IFT81: variants seen among roughly 807,000 people sequenced by gnomAD.
The protein encoded by IFT81 is intraflagellar transport protein 81 homolog.
Under a neutral mutation model 102.6 loss-of-function variants are expected in IFT81, and 72 were observed. The ratio of observed to expected loss-of-function variants is 0.70; its 90% CI spans 0.58 to 0.85. The LOEUF (loss-of-function observed/expected upper bound fraction) is 0.85. IFT81 is among the 40% of genes least tolerant of loss of function. IFT81 has a pLI of 0.00. For synonymous variants in IFT81, 237 were observed against 242.7 expected (o/e 0.98, Z 0.22); for missense variants, 723 against 787.3 (o/e 0.92, Z 0.98).
intron 14 of IFT81, 187 bp from the exon 15 acceptor site, chr12:110,203,677 C>T (rs1898421588): frequency 1.6e-6 from 1 of 612,020 alleles, no homozygotes; most frequent in Non-Finnish European, 3.0e-6. Context: ...TACATGGTAG[C>T]TATTATTATT....
chr12:110,216,061 T>C (rs1194786042), intron 18 of IFT81, among the ~76,000 whole-genome samples: 1 of 152,232 alleles, frequency 6.6e-6, no homozygotes, highest in Non-Finnish European at 1.5e-5. Context: ...ATAACAAGGA[T>C]ATATATAATA....
chr12:110,179,840 A>G (rs1476043545), intron 11 of IFT81, among the ~76,000 whole-genome samples: 4 of 144,044 alleles, frequency 2.8e-5, no homozygotes, highest in African/African-American at 7.6e-5. Context: ...ACATATACAC[A>G]TAATATATAT....
chr12:110,217,291 C>T (rs1321748378), intron 18 of IFT81, among the ~76,000 whole-genome samples: 2 of 152,050 alleles, frequency 1.3e-5, no homozygotes, highest in Non-Finnish European at 2.9e-5. Context: ...GTGATCTATC[C>T]GCCTCAGCCT....
rs928966233 is a variant in IFT81, at chr12:110,210,434, A to C, written c.1848+1218A>C. Among the ~76,000 whole-genome samples the C allele has an allele frequency of 2.0e-5, 3 of 152,308 alleles. No homozygotes were observed. In the South Asian group the frequency reaches 6.2e-4, roughly 32 times the overall value. ...TTTTTTCTGTTTCTTCAGTTTCACTATTGAAAATAATGTTTTCTGGCCAGG... is the reference window on the plus strand; with the variant it reads ...TTTTTTCTGTTTCTTCAGTTTCACTCTTGAAAATAATGTTTTCTGGCCAGG... On this transcript the variant is annotated intron_variant, in intron 18 of 18. Transcript: ENST00000242591.
chr12:110,138,526 G>A lies in IFT81; in HGVS notation c.781+1666G>A, dbSNP rs563204003. Among the ~76,000 whole-genome samples, 92 of 151,556 alleles carry A rather than the reference G, an allele frequency of 6.1e-4. 2 individuals are homozygous for A. Among genetic ancestry groups the A allele is most frequent in the Admixed American group, 6.0e-3 (91 of 15,204 alleles). On this transcript the variant is annotated intron_variant, in intron 8 of 18. Transcript: ENST00000242591. ...TAGCTCACCGCAGCCTCCGCCTCCC[G>A]GGTTCAAGCGATTCTCCTGCCTCAG...
At chr12:110,164,269 T>A (rs774950950) in intron 11 of IFT81, among the ~76,000 whole-genome samples, 2 of 152,198 alleles carry the variant, frequency 1.3e-5, no homozygotes, top group Non-Finnish European at 2.9e-5. Context: ...ACAAATAATA[T>A]TTTTTATAGA....
chr12:110,218,292 T>A lies in IFT81; in HGVS notation c.*66T>A. The A allele has an allele frequency of 8.1e-7, 1 of 1,235,666 alleles. No homozygotes were observed. The highest frequency in any genetic ancestry group is 2.1e-5 in the South Asian group (1 of 48,088). 76.5% of individuals were successfully genotyped at this position (1,235,666 alleles called of 1,614,324 possible). ...GCTATAAGCCTAATCTCATAATGTA[T>A]TTCTTTTTTGAAACTGATTTGTATA... On this transcript the variant is annotated 3_prime_UTR_variant, in exon 19 of 19. Coordinates refer to ENST00000242591, the MANE Select transcript of IFT81 (RefSeq NM_014055.4).
intron 11 of IFT81, among the ~76,000 whole-genome samples, chr12:110,169,722 C>G (rs1002342097): frequency 6.6e-6 from 1 of 151,768 alleles, no homozygotes; most frequent in Non-Finnish European, 1.5e-5. Flanking sequence ...ACCACCATGC[C>G]CGACTAATTT....
chr12:110,129,173 C>A, intron 4 of IFT81, 43 bp downstream of exon 4: 1 of 1,397,490 alleles, frequency 7.2e-7, no homozygotes, highest in Non-Finnish European at 9.8e-7. Context: ...TAATGGATTT[C>A]AAGGTGTATA....
At chr12:110,149,247 G>GTTTC (rs1287980876) in intron 10 of IFT81, among the ~76,000 whole-genome samples, 69 of 152,322 alleles carry the variant, frequency 4.5e-4, no homozygotes, top group African/African-American at 1.7e-3. Flanking sequence ...AACTGAAACA[G>GTTTC]GGAAAGTTCC....
intron 3 of IFT81, 61 bp downstream of exon 3, chr12:110,128,210 T>C: frequency 2.0e-6 from 2 of 987,158 alleles, no homozygotes; most frequent in Non-Finnish European, 1.6e-6. Context: ...AACCTTCATA[T>C]ACTGCAATCA....
At chr12:110,131,930 A>C (rs1460532970) in intron 4 of IFT81, among the ~76,000 whole-genome samples, 1 of 152,216 alleles carries the variant, frequency 6.6e-6, no homozygotes, top group Non-Finnish European at 1.5e-5. Context: ...AGGGAGTCAT[A>C]GATGTATAAG....
intron 18 of IFT81, among the ~76,000 whole-genome samples, chr12:110,211,805 C>T (rs1037463778): frequency 4.6e-5 from 7 of 152,060 alleles, no homozygotes; most frequent in Admixed American, 1.3e-4. Context: ...CTGCGCCCAG[C>T]CTTCTTACTA....
intron 11 of IFT81, among the ~76,000 whole-genome samples, chr12:110,163,400 C>G (rs961459419): frequency 6.6e-6 from 1 of 151,790 alleles, no homozygotes; most frequent in African/African-American, 2.4e-5. Flanking sequence ...GCCAACATGC[C>G]CAGCTAATTT....
At chr12:110,150,573 A>G (rs1895471499) in intron 10 of IFT81, among the ~76,000 whole-genome samples, 1 of 152,162 alleles carries the variant, frequency 6.6e-6, no homozygotes, top group African/African-American at 2.4e-5. Context: ...CTTGGTTCTT[A>G]GTAACATCAA....
At chr12:110,211,036 T>G (rs1318355982) in intron 18 of IFT81, among the ~76,000 whole-genome samples, 3 of 150,162 alleles carry the variant, frequency 2.0e-5, no homozygotes, top group Non-Finnish European at 4.5e-5. Flanking sequence ...TTGTATTTTT[T>G]TTTTTTTTGT....
chr12:110,135,022 G>A lies in IFT81; in HGVS notation c.585+9G>A, dbSNP rs375835711. The stretch of plus-strand genomic sequence containing the variant: ...AACATTTGAAGAAAAGGGTAAGGCA[G>A]AATTAGTACTGTAAGACTTTGGCCC... On this transcript the variant is annotated intron_variant, in intron 6 of 18. Transcript: ENST00000242591. 1.3e-6 allele frequency: 2 copies of A among 1,592,260 alleles called. No homozygotes were observed. The highest frequency in any genetic ancestry group is 2.7e-5 in the African/African-American group (2 of 73,768).
At chr12:110,135,477 T>C (rs746996562) in intron 7 of IFT81, 40 bp downstream of exon 7, 1 of 1,156,428 alleles carries the variant, frequency 8.6e-7, no homozygotes, top group Non-Finnish European at 1.3e-6. Context: ...ATGAAGGAAA[T>C]AGTTCCTTCT....
intron 10 of IFT81, 73 bp from the exon 11 acceptor site, chr12:110,162,846 A>T (rs1033528857): frequency 1.5e-6 from 2 of 1,326,874 alleles, no homozygotes; most frequent in African/African-American, 3.0e-5. Flanking sequence ...AATCTAAAAA[A>T]TAGATAATTT....
Sources: allele counts gnomAD v4.1 joint callset (sites outside exome capture counted in the v4.1 genomes callset), GRCh38; gene constraint gnomAD v4.1.1; transcripts MANE v1.5; gene names NCBI Gene and HGNC (gene_info 2026-07-23, HGNC 2026-07-21).